The following CDH10 variants were observed in gnomAD, a reference collection of about 807,000 sequenced individuals.
CDH10 encodes the protein cadherin-10.
A neutral mutation model predicts 73.1 loss-of-function variants in CDH10; 30 were observed. That is an observed-to-expected ratio of 0.41 (90% CI 0.31 to 0.56). CDH10 has a LOEUF of 0.56. Among genes scored for constraint, CDH10 ranks in the 20% least tolerant of loss-of-function variants. CDH10 has a pLI of 0.27. For synonymous variants in CDH10, 345 were observed against 348.2 expected, an observed-to-expected ratio of 0.99 and a Z score of 0.10; for missense variants, 815 against 973.7, an observed-to-expected ratio of 0.84 and a Z score of 2.17.
intron 8 of CDH10, among the ~76,000 whole-genome samples, chr5:24,502,387 G>A (rs978247806): frequency 6.6e-5 from 10 of 152,092 alleles, no homozygotes; most frequent in Non-Finnish European, 1.2e-4. Context: ...AAACATATTG[G>A]TAAGAAGTAC....
intron 2 of CDH10, among the ~76,000 whole-genome samples, chr5:24,576,551 A>G (rs1326098967): frequency 6.6e-6 from 1 of 152,152 alleles, no homozygotes; most frequent in African/African-American, 2.4e-5. Flanking sequence ...ACCCAAAACG[A>G]TAGGGCAGAG....
At chr5:24,626,886 A>AAG (rs1423105865) in intron 1 of CDH10, among the ~76,000 whole-genome samples, 3 of 33,918 alleles carry the variant, frequency 8.8e-5, no homozygotes, top group Non-Finnish European at 5.9e-4. Flanking sequence ...GTGTATATAT[A>AAG]TGTGTATATA....
chr5:24,584,910 G>A (rs1446562771), intron 2 of CDH10, among the ~76,000 whole-genome samples: 1 of 150,852 alleles, frequency 6.6e-6, no homozygotes, highest in Admixed American at 6.6e-5. Context: ...GCAGTGGCAT[G>A]ATCTTGGCTC....
At chr5:24,497,897 C>T (rs1037133633) in intron 9 of CDH10, among the ~76,000 whole-genome samples, 4 of 152,182 alleles carry the variant, frequency 2.6e-5, no homozygotes, top group African/African-American at 4.8e-5. Flanking sequence ...TCATATGCTG[C>T]TGTAATGATG....
chr5:24,505,289 T>C (rs376724275), intron 7 of CDH10, 41 bp from the exon 8 acceptor site: 4 of 1,581,528 alleles, frequency 2.5e-6, no homozygotes, highest in East Asian at 4.5e-5. Context: ...GCAGCATTAT[T>C]AATAGTTTGC....
chr5:24,626,524 G>A (rs1308701506), intron 1 of CDH10, among the ~76,000 whole-genome samples: 4 of 152,074 alleles, frequency 2.6e-5, no homozygotes, highest in Non-Finnish European at 5.9e-5. Context: ...TCACATGAAA[G>A]TTTTCCAAAG....
chr5:24,530,871 T>G (rs1421931576), intron 5 of CDH10, among the ~76,000 whole-genome samples: 1 of 152,140 alleles, frequency 6.6e-6, no homozygotes, highest in East Asian at 1.9e-4. Flanking sequence ...CATATTTATA[T>G]ACTTTAAAAA....
intron 1 of CDH10, among the ~76,000 whole-genome samples, chr5:24,639,488 G>A (rs1747974175): frequency 6.6e-6 from 1 of 151,578 alleles, no homozygotes; most frequent in African/African-American, 2.4e-5. Context: ...ACCATAGAGA[G>A]AATTCCCAGT....
intron 1 of CDH10, among the ~76,000 whole-genome samples, chr5:24,598,465 T>C (rs1439139159): frequency 6.6e-6 from 1 of 151,938 alleles, no homozygotes; most frequent in African/African-American, 2.4e-5. Flanking sequence ...TAAACAAGTA[T>C]TTTTAAATTG....
chr5:24,536,802 A>G (rs12659337), intron 3 of CDH10, among the ~76,000 whole-genome samples: 61,363 of 151,614 alleles, frequency 0.4, 13,116 homozygotes, highest in Admixed American at 0.52. Flanking sequence ...ATTTAACCAT[A>G]GGTTTTCAAC....
chr5:24,529,349 G>A (rs149291038), intron 5 of CDH10, among the ~76,000 whole-genome samples: 218 of 152,038 alleles, frequency 1.4e-3, no homozygotes, highest in Non-Finnish European at 2.0e-3. Context: ...AATTTGATGG[G>A]AAATATAATG....
chr5:24,598,572 A>G (rs912905792), intron 1 of CDH10, among the ~76,000 whole-genome samples: 2 of 151,788 alleles, frequency 1.3e-5, no homozygotes, highest in Admixed American at 6.6e-5. Context: ...TTTTATGCCT[A>G]TATCTTATTT....
chr5:24,641,338 A>T (rs552448403), intron 1 of CDH10, among the ~76,000 whole-genome samples: 6 of 151,946 alleles, frequency 3.9e-5, no homozygotes, highest in African/African-American at 1.4e-4. Context: ...TCTTGTTCTT[A>T]TGCATGAAAA....
intron 1 of CDH10, among the ~76,000 whole-genome samples, chr5:24,625,778 G>A (rs527354381): frequency 4.8e-4 from 72 of 151,454 alleles, no homozygotes; most frequent in African/African-American, 1.7e-3. Context: ...CTTGGTATCA[G>A]GGATTTATAA....
intron 9 of CDH10, among the ~76,000 whole-genome samples, chr5:24,494,695 A>G (rs1240059240): frequency 1.3e-5 from 2 of 152,012 alleles, no homozygotes; most frequent in African/African-American, 4.8e-5. Context: ...ACATATATCT[A>G]TAATAAATTT....
At chr5:24,566,450 G>T (rs958025226) in intron 2 of CDH10, among the ~76,000 whole-genome samples, 2 of 152,126 alleles carry the variant, frequency 1.3e-5, no homozygotes, top group Non-Finnish European at 2.9e-5. Flanking sequence ...AACACAGTTG[G>T]TGCCTTACTT....
intron 2 of CDH10, among the ~76,000 whole-genome samples, chr5:24,588,080 A>G (rs2174529): frequency 0.31 from 47,780 of 152,068 alleles, 8,333 homozygotes; most frequent in African/African-American, 0.46. Flanking sequence ...GCATGTGTGT[A>G]TGATCTTTAC....
intron 7 of CDH10, among the ~76,000 whole-genome samples, chr5:24,507,996 A>G (rs542138345): frequency 6.6e-4 from 101 of 152,350 alleles, no homozygotes; most frequent in Non-Finnish European, 7.4e-4. Context: ...CAGACCCTAT[A>G]GAATTTTTAA....
intron 1 of CDH10, among the ~76,000 whole-genome samples, chr5:24,643,962 T>C (rs761790081): frequency 6.6e-5 from 10 of 152,136 alleles, no homozygotes; most frequent in Non-Finnish European, 1.3e-4. Context: ...TCTCTTTACC[T>C]CTCTCCCCCC....
Sources: allele counts gnomAD v4.1 joint callset (sites outside exome capture counted in the v4.1 genomes callset), GRCh38; gene constraint gnomAD v4.1.1; transcripts MANE v1.5; gene names NCBI Gene and HGNC (gene_info 2026-07-23, HGNC 2026-07-21).